The following SOBP variants were observed in gnomAD, a reference collection of about 807,000 sequenced individuals.
The protein encoded by SOBP is sine oculis binding protein homolog, also known as sine oculis-binding protein homolog.
Under a neutral mutation model 53.6 loss-of-function variants are expected in SOBP, and 4 were observed. That is an observed-to-expected ratio of 0.07 (90% CI 0.04 to 0.17). The LOEUF is 0.17. SOBP is among the 10% of genes least tolerant of loss of function. The pLI, the probability that SOBP is intolerant of heterozygous loss-of-function variation, is 1.00. For missense variants in SOBP, 1,088 were observed against 1,204.7 expected, an observed-to-expected ratio of 0.90 and a Z score of 1.43; for synonymous variants, 584 against 522.6, an observed-to-expected ratio of 1.12 and a Z score of -1.60.
chr6:107,605,188 A>T (rs1260375210), intron 5 of SOBP, among the ~76,000 whole-genome samples: 6 of 152,188 alleles, frequency 3.9e-5, no homozygotes, highest in African/African-American at 1.4e-4. Flanking sequence ...GTTCTCATAT[A>T]TTATATACAT....
intron 5 of SOBP, among the ~76,000 whole-genome samples, chr6:107,589,403 C>T (rs370892597): frequency 1.6e-4 from 24 of 152,200 alleles, no homozygotes; most frequent in African/African-American, 5.8e-4. Flanking sequence ...TGTCTCTGCC[C>T]GCTCCCCACC....
At chr6:107,551,575 G>T (rs1784460547) in intron 4 of SOBP, among the ~76,000 whole-genome samples, 1 of 152,120 alleles carries the variant, frequency 6.6e-6, no homozygotes, top group Non-Finnish European at 1.5e-5. Flanking sequence ...CATGATTTCA[G>T]AAGTGTTAAA....
intron 4 of SOBP, among the ~76,000 whole-genome samples, chr6:107,582,931 G>T (rs1785448143): frequency 6.6e-6 from 1 of 152,180 alleles, no homozygotes; most frequent in Non-Finnish European, 1.5e-5. Context: ...CTAAAAGTTG[G>T]TCTGCTTTAT....
intron 4 of SOBP, among the ~76,000 whole-genome samples, chr6:107,545,415 C>T (rs1181146204): frequency 6.6e-6 from 1 of 152,118 alleles, no homozygotes; most frequent in Admixed American, 6.5e-5. Context: ...TGTTTGCTGG[C>T]ACGGCAACAG....
At position 107,492,815 on chromosome 6, in the gene SOBP, C is replaced by T. The variant is rs1178932212; in HGVS notation, c.96+2103C>T. Among the ~76,000 whole-genome samples the T allele has an allele frequency of 5.3e-5, 8 of 152,150 alleles. No homozygotes were observed. The East Asian group carries it at 1.2e-3, about 22-fold the overall frequency. On this transcript the variant is annotated intron_variant, in intron 1 of 6. Transcript: ENST00000317357. ...GTAGCATTAAATAAGAAGTTTTACA[C>T]GGCAAATAACTCAATTGTCTGTAGG...
intron 4 of SOBP, among the ~76,000 whole-genome samples, chr6:107,568,570 C>G (rs961380628): frequency 1.3e-5 from 2 of 152,140 alleles, no homozygotes; most frequent in African/African-American, 4.8e-5. Context: ...CATTATTAAG[C>G]CTGCTGCTCC....
chr6:107,618,780 G>T (rs1231601897), intron 5 of SOBP, among the ~76,000 whole-genome samples: 2 of 152,214 alleles, frequency 1.3e-5, no homozygotes, highest in Non-Finnish European at 2.9e-5. Flanking sequence ...GACCTAAAAT[G>T]CTCTTGGGTG....
intron 5 of SOBP, among the ~76,000 whole-genome samples, chr6:107,588,505 ACT>A (rs1785637894): frequency 6.6e-6 from 1 of 151,890 alleles, no homozygotes; most frequent in Admixed American, 6.6e-5. Flanking sequence ...TTCTGAGGAA[ACT>A]CTTTTTGTTC....
At chr6:107,657,172 C>T (rs1221631132) in intron 6 of SOBP, among the ~76,000 whole-genome samples, 1 of 152,260 alleles carries the variant, frequency 6.6e-6, no homozygotes, top group Non-Finnish European at 1.5e-5. Flanking sequence ...TAAGTGGCTG[C>T]TCCCAGAACT....
chr6:107,650,202 C>G (rs2115173330), intron 6 of SOBP, among the ~76,000 whole-genome samples: 1 of 152,290 alleles, frequency 6.6e-6, no homozygotes, highest in African/African-American at 2.4e-5. Flanking sequence ...CTTAGCTTCT[C>G]AGAGCCATAG....
At chr6:107,631,248 A>T (rs1423284410) in intron 5 of SOBP, among the ~76,000 whole-genome samples, 3 of 152,314 alleles carry the variant, frequency 2.0e-5, no homozygotes, top group African/African-American at 7.2e-5. Context: ...GAAAATGGGT[A>T]TATTATTTTA....
rs1482018803 is a variant in SOBP, at chr6:107,635,107, A to G, written c.2263A>G (p.Lys755Glu). 2.5e-6 allele frequency: 4 copies of G among 1,609,070 alleles called. No individual in the cohort carries two copies. The highest frequency in any genetic ancestry group is 3.4e-6 in the Non-Finnish European group (4 of 1,177,898). ...GCCGCCGCCGCCGCCCGCGCCCCCC[A>G]AGAAGCTGCTGTCGCCTGAGGAACC... ...PPPPPPPAPP[K>E]KLLSPEEPAV... is the part of the protein sequence containing the mutation. Residue 755 changes from lysine to glutamate, a missense_variant, in exon 6 of 7, where the codon AAG (lysine) becomes GAG (glutamate). Around this residue, in one of 6 missense-constraint regions of SOBP, gnomAD observed 665 missense variants for 629.7 expected, o/e 1.06. Coordinates refer to ENST00000317357, the MANE Select transcript of SOBP (RefSeq NM_018013.4). The surrounding 1 kb of genome is among the most constrained non-coding windows in gnomAD (Gnocchi z 4.5).
intron 6 of SOBP, among the ~76,000 whole-genome samples, chr6:107,640,167 T>C (rs1771246332): frequency 6.6e-6 from 1 of 152,214 alleles, no homozygotes; most frequent in Non-Finnish European, 1.5e-5. Flanking sequence ...AAAAAGTTTT[T>C]TGCCAATTTA....
chr6:107,632,189 A>G (rs1451637715), intron 5 of SOBP, among the ~76,000 whole-genome samples: 1 of 152,212 alleles, frequency 6.6e-6, no homozygotes, highest in Non-Finnish European at 1.5e-5. Flanking sequence ...TTCAACAAAA[A>G]CAGGCTCTCA....
At chr6:107,584,448 G>A (rs566008643) in intron 4 of SOBP, among the ~76,000 whole-genome samples, 36 of 152,262 alleles carry the variant, frequency 2.4e-4, no homozygotes, top group Admixed American at 8.5e-4. Flanking sequence ...ACAAATACAC[G>A]TGAAGGTGAT....
At chr6:107,553,853 C>T (rs1489131925) in intron 4 of SOBP, among the ~76,000 whole-genome samples, 4 of 152,096 alleles carry the variant, frequency 2.6e-5, no homozygotes, top group Non-Finnish European at 4.4e-5. Flanking sequence ...AACTCCTGGT[C>T]TCAGGTCATC....
At chr6:107,491,799 G>A (rs957665702) in intron 1 of SOBP, among the ~76,000 whole-genome samples, 5 of 152,134 alleles carry the variant, frequency 3.3e-5, no homozygotes, top group Admixed American at 1.3e-4. Context: ...TACTTGGCCA[G>A]TTTTGGTTCA....
chr6:107,578,505 C>T (rs1785305653), intron 4 of SOBP, among the ~76,000 whole-genome samples: 1 of 152,150 alleles, frequency 6.6e-6, no homozygotes, highest in African/African-American at 2.4e-5. Context: ...GGTTCTACCA[C>T]TTGTTAACTG....
chr6:107,494,498 A>G (rs1782652050), intron 1 of SOBP, among the ~76,000 whole-genome samples: 2 of 152,350 alleles, frequency 1.3e-5, no homozygotes, highest in East Asian at 1.9e-4. Flanking sequence ...CCAAACAACA[A>G]TACAACTCAA....
Sources: allele counts gnomAD v4.1 joint callset (sites outside exome capture counted in the v4.1 genomes callset), GRCh38; gene constraint gnomAD v4.1.1; regional missense constraint gnomAD v4.1.1; non-coding constraint Gnocchi (gnomAD v3.1); transcripts MANE v1.5; gene names NCBI Gene and HGNC (gene_info 2026-07-23, HGNC 2026-07-21).